The following SRRM2 variants were observed in gnomAD, a reference collection of about 807,000 sequenced individuals.
SRRM2 encodes serine/arginine repetitive matrix protein 2.
SRRM2 carries 30 observed loss-of-function variants against 213.8 expected under a neutral mutation model. The observed-to-expected ratio is 0.14, with a 90% CI of 0.10 to 0.19. The LOEUF (loss-of-function observed/expected upper bound fraction) is 0.19, where lower values mean the gene tolerates loss of function less well. Ranked by LOEUF, SRRM2 falls within the 10% of genes least tolerant of loss-of-function variation. The probability of loss-of-function intolerance (pLI) is 1.00; values close to 1 mark genes in which losing one functional copy is unlikely to be tolerated. For missense variants in SRRM2, 4,904 were observed against 3,647.0 expected (o/e 1.34, Z -8.88); for synonymous variants, 2,025 against 1,377.7 (o/e 1.47, Z -10.40).
rs1026679567 is a variant in SRRM2, at chr16:2,761,677, C to G, written c.1149C>G (p.Thr383=). Residue 383 remains threonine (T), a synonymous_variant, in exon 11 of 15, where the codon ACC becomes ACG. Coordinates refer to ENST00000301740, the MANE Select transcript of SRRM2 (RefSeq NM_016333.4). ...RHGGSPQPLA[T]TPLSQEPVNP... is the part of the protein sequence containing the mutation. Reference sequence around the variant, plus strand: ...GCGGCTCCCCACAACCCCTTGCAACCACCCCCTTAAGCCAGGAGCCAGTGA... The same window carrying G: ...GCGGCTCCCCACAACCCCTTGCAACGACCCCCTTAAGCCAGGAGCCAGTGA... 6.3e-7 allele frequency: 1 copy of G among 1,598,498 alleles called. No homozygotes were observed. The highest frequency in any genetic ancestry group is 1.3e-5 in the African/African-American group (1 of 74,194).
At chr16:2,770,304 G>C (rs1237170061) in intron 12 of SRRM2, 48 bp from the exon 13 acceptor site, 7 of 1,518,646 alleles carry the variant, frequency 4.6e-6, no homozygotes, top group African/African-American at 1.4e-5. Flanking sequence ...GTGCTGGCCC[G>C]TGTGCTTGAA....
At position 2,770,745 on chromosome 16, in the gene SRRM2, C is replaced by T. The variant is rs201864962; in HGVS notation, c.8249+28C>T. ...GCGTGTCCTGGAAGGCTGATGCCCC[C>T]TTCCGGGAGCCAGTTGTGGTGGTGG... On this transcript the variant is annotated intron_variant, in intron 14 of 14. Coordinates refer to ENST00000301740, the MANE Select transcript of SRRM2 (RefSeq NM_016333.4). 1.8e-5 allele frequency: 29 copies of T among 1,587,192 alleles called. No individual in the cohort carries two copies. In the Admixed American group the frequency reaches 2.8e-4, roughly 16 times the overall value.
At position 2,770,023 on chromosome 16, in the gene SRRM2, C is replaced by T. The variant is rs72768768; in HGVS notation, c.8022-329C>T. ...TGCCCTGCCCCTTCCCTGCCTTGCCCCATGTCCCCCTCCCTTGGGTCCCCA... is the reference window on the plus strand; with the variant it reads ...TGCCCTGCCCCTTCCCTGCCTTGCCTCATGTCCCCCTCCCTTGGGTCCCCA... On this transcript the variant is annotated intron_variant, in intron 12 of 14. Transcript: ENST00000301740. 2,761 of 708,356 alleles carry T rather than the reference C, an allele frequency of 3.9e-3. 17 individuals carry two copies. The highest frequency in any genetic ancestry group is 5.4e-3 in the Non-Finnish European group (2,477 of 462,306). 43.9% of individuals were successfully genotyped at this position (708,356 alleles called of 1,614,324 possible).
chr16:2,768,880 GAGCTCCC>G (rs2068636062), intron 11 of SRRM2, 110 bp from the exon 12 acceptor site: 1 of 1,548,816 alleles, frequency 6.5e-7, no homozygotes, highest in East Asian at 2.4e-5. Context: ...GTGGCTCGGA[GAGCTCCC>G]AGCGCCTTTC....
At chr16:2,760,526 T>C (rs750085107) in intron 10 of SRRM2, 27 bp downstream of exon 10, 5 of 1,611,780 alleles carry the variant, frequency 3.1e-6, no homozygotes, top group African/African-American at 1.3e-5. Context: ...GTGATGTTCA[T>C]TGGATTGCAA....
At position 2,768,181 on chromosome 16, in the gene SRRM2, G is replaced by GTCC. The variant is rs746368684; in HGVS notation, c.7665_7667dup (p.Ser2556dup). 44 of 1,598,716 alleles carry GTCC rather than the reference G, an allele frequency of 2.8e-5. No individual in the cohort carries two copies. The highest frequency in any genetic ancestry group is 3.3e-4 in the Middle Eastern group (2 of 6,004). ...CCTCTTCTTCATCATCGTCGTCGTCGTCCTCCTCCTCCTCTGGCTCCAGTT... is the reference window on the plus strand; with the variant it reads ...CCTCTTCTTCATCATCGTCGTCGTCGTCCTCCTCCTCCTCCTCTGGCTCCAGTT... On this transcript the variant is annotated inframe_insertion, in exon 11 of 15. Transcript: ENST00000301740.
intron 11 of SRRM2, 184 bp downstream of exon 11, chr16:2,768,445 GAT>G (rs1395405753): frequency 4.4e-6 from 3 of 688,098 alleles, no homozygotes; most frequent in Non-Finnish European, 7.5e-6. Context: ...GAATGGGACA[GAT>G]AAAAGTCTCC....
chr16:2,768,891 G>C, intron 11 of SRRM2, 106 bp from the exon 12 acceptor site: 1 of 1,557,008 alleles, frequency 6.4e-7, no homozygotes, highest in Non-Finnish European at 8.7e-7. Context: ...AGCTCCCAGC[G>C]CCTTTCTCAG....
rs771335180 is a variant in SRRM2 at position 2,764,284 on chromosome 16, C to G, written c.3756C>G (p.Ile1252Met). 21 of 1,613,958 alleles carry G rather than the reference C, an allele frequency of 1.3e-5. No homozygotes were observed. The highest frequency in any genetic ancestry group is 1.7e-5 in the Non-Finnish European group (20 of 1,180,020). ...AGTCTGAAGAACCCGCAGGCCAAAT[C>G]CTGTCTCATTTGTCTTCAGAACTTA... ...VEKSEEPAGQ[I>M]LSHLSSELKE... The change falls in exon 11 of 15, where the codon ATC becomes ATG. Residue 1252 changes from isoleucine (I) to methionine (M), a missense_variant. Ile to Met is a conservative substitution (Grantham distance 10). Transcript: ENST00000301740.
Position 2,766,620 on chromosome 16 carries a change from G to A in SRRM2, c.6092G>A (p.Arg2031Lys), listed in dbSNP as rs1323436648. 1.9e-6 allele frequency: 3 copies of A among 1,613,682 alleles called. No homozygotes were observed. The highest frequency in any genetic ancestry group is 2.5e-6 in the Non-Finnish European group (3 of 1,179,812). Residue 2031 changes from arginine to lysine, a missense_variant, in exon 11 of 15, where the codon AGA becomes AAA. By Grantham distance (26) the Arg-to-Lys change is conservative (BLOSUM62 2). Transcript: ENST00000301740. The surrounding 1 kb of genome is among the most constrained non-coding windows in gnomAD (Gnocchi z 7.0). ...CCTCCAGCTATTCGGCGCCGCTCTA[G>A]ATCTCGAACGCCACTGTTACCACGC... Reference protein sequence around the residue: ...RTPPAIRRRSRSRTPLLPRKR... With the variant: ...RTPPAIRRRSKSRTPLLPRKR...
At chr16:2,770,263 T>C in intron 12 of SRRM2, 89 bp from the exon 13 acceptor site, 1 of 1,472,824 alleles carries the variant, frequency 6.8e-7, no homozygotes, top group Non-Finnish European at 9.0e-7. Flanking sequence ...GTGTGAGGTT[T>C]GGTGGTCAGG....
Position 2,771,264 on chromosome 16 carries a change from GAGTTGGAATT to G in SRRM2, c.*404_*413del. 1.3e-6 allele frequency: 1 copy of G among 758,336 alleles called. No homozygotes were observed. Among genetic ancestry groups the G allele is most frequent in the Admixed American group, 2.1e-5 (1 of 47,722 alleles). The allele number at this position is 758,336 out of a possible 1,614,324, so 47.0% of individuals were successfully genotyped here. A position where few individuals can be genotyped will look rare whatever the true frequency, so the allele number is the denominator to read the frequency against. The stretch of plus-strand genomic sequence containing the variant: ...AGGTGTTCTTGGAAGGAAGGGGCAG[GAGTTGGAATT>G]AGTTGGTCCCTACTGTCCCCCATGA... On this transcript the variant is annotated 3_prime_UTR_variant, in exon 15 of 15. Transcript: ENST00000301740.
chr16:2,760,416 A>G lies in SRRM2; in HGVS notation c.949A>G (p.Ser317Gly). The G allele has an allele frequency of 6.2e-7, 1 of 1,614,192 alleles. No individual in the cohort carries two copies. Among genetic ancestry groups the G allele is most frequent in the African/African-American group, 1.3e-5 (1 of 75,034 alleles). Reference protein sequence around the residue: ...DAPFSEPGTTSTQRPSSPETA... With the variant: ...DAPFSEPGTTGTQRPSSPETA... ...GCCTTTCAGTGAACCAGGTACTACCAGCACACAACGGCCTAGTAGCCCGGA... is the reference window on the plus strand; with the variant it reads ...GCCTTTCAGTGAACCAGGTACTACCGGCACACAACGGCCTAGTAGCCCGGA... Residue 317 changes from serine to glycine, a missense_variant, in exon 10 of 15, where the codon AGC becomes GGC. Physicochemically the swap from Ser to Gly is moderately conservative, Grantham distance 56 (BLOSUM62 0). Transcript: ENST00000301740.
rs146267583 is a variant in SRRM2 at position 2,761,933 on chromosome 16, C to T, written c.1405C>T (p.Arg469Trp). The change falls in exon 11 of 15, where the codon CGG becomes TGG. Residue 469 changes from arginine to tryptophan, a missense_variant. Coordinates refer to ENST00000301740, the MANE Select transcript of SRRM2 (RefSeq NM_016333.4). ...GAATCGCTCACATGGCCGAGCAAAA[C>T]GGGATAAATCACATTCTCATACCCC... ...SKNRSHGRAK[R>W]DKSHSHTPSR... The T allele has an allele frequency of 1.1e-4, 180 of 1,613,872 alleles. No individual in the cohort carries two copies. The highest frequency in any genetic ancestry group is 1.4e-4 in the Non-Finnish European group (171 of 1,180,006).
At position 2,758,968 on chromosome 16, in the gene SRRM2, T is replaced by C; in HGVS notation, c.594-17T>C. The C allele has an allele frequency of 6.2e-7, 1 of 1,613,988 alleles. No individual in the cohort carries two copies. The highest frequency in any genetic ancestry group is 1.1e-5 in the South Asian group (1 of 91,048). On this transcript the variant is annotated splice_polypyrimidine_tract_variant and intron_variant, in intron 5 of 14. Coordinates refer to ENST00000301740, the MANE Select transcript of SRRM2 (RefSeq NM_016333.4). ...AGAAGCCAAGCAGGATGAGCTTGCT[T>C]TTGAATCCATCTTTAGCAGGTCAGA...
At position 2,764,345 on chromosome 16, in the gene SRRM2, G is replaced by A. The variant is rs1274384710; in HGVS notation, c.3817G>A (p.Glu1273Lys). The stretch of plus-strand genomic sequence containing the variant: ...CACAAGTAACTTTGAATCATCTCCT[G>A]AAGTAGAAGAAAGGCCTGCTGTGTC... ...MSTSNFESSP[E>K]VEERPAVSLT... The change falls in exon 11 of 15, where the codon GAA becomes AAA. Residue 1273 changes from glutamate (E) to lysine (K), a missense_variant. Glu to Lys is a moderately conservative substitution (Grantham distance 56). Coordinates refer to ENST00000301740, the MANE Select transcript of SRRM2 (RefSeq NM_016333.4). 1 of 1,614,194 alleles carries A rather than the reference G, an allele frequency of 6.2e-7. No homozygotes were observed. Among genetic ancestry groups the A allele is most frequent in the Admixed American group, 1.7e-5 (1 of 60,028 alleles).
chr16:2,764,026 G>T lies in SRRM2; in HGVS notation c.3498G>T (p.Glu1166Asp), dbSNP rs751645811. The T allele has an allele frequency of 6.2e-7, 1 of 1,614,158 alleles. No individual in the cohort carries two copies. The highest frequency in any genetic ancestry group is 1.7e-5 in the Admixed American group (1 of 60,022). The change falls in exon 11 of 15, where the codon GAG becomes GAT. Residue 1166 changes from glutamate (E) to aspartate (D), a missense_variant. Glu to Asp is a conservative substitution (Grantham distance 45). Transcript: ENST00000301740. Reference protein sequence around the residue: ...QSRLETAESKEKMALPPQEDA... With the variant: ...QSRLETAESKDKMALPPQEDA... ...GATTGGAGACTGCTGAATCAAAAGA[G>T]AAAATGGCCTTACCCCCTCAGGAGG... is the stretch of plus-strand genomic sequence containing the variant.
intron 1 of SRRM2, among the ~76,000 whole-genome samples, chr16:2,754,097 C>CT (rs1189524416): frequency 1.3e-5 from 2 of 152,250 alleles, no homozygotes; most frequent in African/African-American, 2.4e-5. Context: ...ATGGCCCCCA[C>CT]TTTAAGAGTT....
At position 2,764,510 on chromosome 16, in the gene SRRM2, G is replaced by A. The variant is rs770589723; in HGVS notation, c.3982G>A (p.Gly1328Arg). 1.2e-6 allele frequency: 2 copies of A among 1,614,158 alleles called. No individual in the cohort carries two copies. Among genetic ancestry groups the A allele is most frequent in the Admixed American group, 3.3e-5 (2 of 60,022 alleles). ...CTCCCCACTCAGGGAGAACAGCTTT[G>A]GATCACCTTTAGAATTTAGAAACTC... ...SNSPLRENSF[G>R]SPLEFRNSGP... is the part of the protein sequence containing the mutation. Residue 1328 changes from glycine to arginine, a missense_variant, in exon 11 of 15, where the codon GGA (glycine) becomes AGA (arginine). Transcript: ENST00000301740.
Sources: gnomAD v4.1 joint callset for allele counts (sites outside exome capture counted in the v4.1 genomes callset) on GRCh38, gnomAD v4.1.1 for gene constraint, Gnocchi (gnomAD v3.1) non-coding constraint, MANE v1.5 for transcripts, NCBI Gene and HGNC (gene_info 2026-07-23, HGNC 2026-07-21) for gene names.